The following TMEM150C variants were observed in gnomAD, a reference collection of about 807,000 sequenced individuals.
TMEM150C encodes tentonin 3.
Under a neutral mutation model 29.9 loss-of-function variants are expected in TMEM150C, and 10 were observed. The ratio of observed to expected loss-of-function variants is 0.33; its 90% CI spans 0.21 to 0.57. The LOEUF (loss-of-function observed/expected upper bound fraction) is 0.57. Among genes scored for constraint, TMEM150C ranks in the 20% least tolerant of loss-of-function variants. The pLI, the probability that TMEM150C is intolerant of heterozygous loss-of-function variation, is 0.88. For synonymous variants in TMEM150C, 101 were observed against 112.5 expected (o/e 0.90, Z 0.64); for missense variants, 251 against 303.6 (o/e 0.83, Z 1.29).
At chr4:82,485,753 C>T (rs564937915) in intron 7 of TMEM150C, 34 bp from the exon 8 acceptor site, 1 of 1,554,270 alleles carries the variant, frequency 6.4e-7, no homozygotes, top group East Asian at 2.3e-5. Context: ...ATACCCTCAT[C>T]AGCCACATTA....
At chr4:82,540,114 CT>C (rs577728662) in intron 1 of TMEM150C, among the ~76,000 whole-genome samples, 6 of 47,260 alleles carry the variant, frequency 1.3e-4, no homozygotes, top group East Asian at 7.4e-4. Context: ...TCTACCTATT[CT>C]TTTTTTTTTT....
At chr4:82,497,323 A>G (rs1723589180) in intron 5 of TMEM150C, among the ~76,000 whole-genome samples, 1 of 152,234 alleles carries the variant, frequency 6.6e-6, no homozygotes, top group East Asian at 1.9e-4. Flanking sequence ...GTTCAGCAGG[A>G]AAGACAATTA....
intron 1 of TMEM150C, among the ~76,000 whole-genome samples, chr4:82,510,576 C>T (rs956818454): frequency 2.0e-5 from 3 of 152,164 alleles, no homozygotes; most frequent in Non-Finnish European, 2.9e-5. Flanking sequence ...ATCTACCTTA[C>T]AGGGTTTTAC....
At chr4:82,498,881 TATC>T (rs998386990) in intron 5 of TMEM150C, among the ~76,000 whole-genome samples, 162 of 152,356 alleles carry the variant, frequency 1.1e-3, no homozygotes, top group African/African-American at 3.6e-3. Context: ...TAAGTCATCT[TATC>T]ATGAACAAAT....
chr4:82,491,042 G>T, intron 6 of TMEM150C: 1 of 732,262 alleles, frequency 1.4e-6, no homozygotes, highest in East Asian at 2.5e-5. Context: ...TCTTCCTGTG[G>T]ACTAGACGTC....
At chr4:82,554,162 G>T (rs1374125645) in intron 1 of TMEM150C, among the ~76,000 whole-genome samples, 1 of 152,152 alleles carries the variant, frequency 6.6e-6, no homozygotes, top group Non-Finnish European at 1.5e-5. Context: ...CAGAAAAAAT[G>T]TCACCCACAA....
chr4:82,515,465 G>A (rs1376335780), intron 1 of TMEM150C, among the ~76,000 whole-genome samples: 4 of 152,050 alleles, frequency 2.6e-5, no homozygotes, highest in African/African-American at 7.2e-5. Context: ...TTGGCCGGGC[G>A]CGGTGGCTCA....
At chr4:82,519,429 T>A (rs6853253) in intron 1 of TMEM150C, among the ~76,000 whole-genome samples, 96,494 of 151,750 alleles carry the variant, frequency 0.64, 34,332 homozygotes, top group East Asian at 0.93. Context: ...TTTCTTTCTT[T>A]CTTTCTTTTT....
chr4:82,492,809 AAC>A (rs1491012015), intron 6 of TMEM150C, among the ~76,000 whole-genome samples: 3,590 of 114,546 alleles, frequency 0.031, 296 homozygotes, highest in South Asian at 0.13. Context: ...AAAAAAAAAA[AAC>A]AACAAAGTCT....
intron 1 of TMEM150C, among the ~76,000 whole-genome samples, chr4:82,536,214 T>C (rs2110085220): frequency 6.6e-6 from 1 of 151,994 alleles, no homozygotes; most frequent in Middle Eastern, 3.4e-3. Flanking sequence ...AAAAATAAGC[T>C]GGTCCTGGTG....
chr4:82,509,094 C>T (rs1480692618), intron 1 of TMEM150C, among the ~76,000 whole-genome samples: 1 of 152,216 alleles, frequency 6.6e-6, no homozygotes, highest in African/African-American at 2.4e-5. Flanking sequence ...ATTTCTGTCG[C>T]ATGTTCTTTT....
intron 1 of TMEM150C, among the ~76,000 whole-genome samples, chr4:82,522,570 T>C (rs775356229): frequency 4.6e-5 from 7 of 152,152 alleles, no homozygotes; most frequent in East Asian, 1.9e-4. Flanking sequence ...TTCTGCATAA[T>C]GATAAAGGAA....
intron 1 of TMEM150C, among the ~76,000 whole-genome samples, chr4:82,551,754 A>G (rs1725591482): frequency 6.6e-6 from 1 of 152,112 alleles, no homozygotes; most frequent in African/African-American, 2.4e-5. Flanking sequence ...ATGCCTCTCA[A>G]TTAGCATGCT....
At chr4:82,541,398 T>C (rs750828360) in intron 1 of TMEM150C, among the ~76,000 whole-genome samples, 2 of 152,116 alleles carry the variant, frequency 1.3e-5, no homozygotes, top group Non-Finnish European at 2.9e-5. Flanking sequence ...GCTCTCCTCA[T>C]TTCAGATAAC....
At chr4:82,549,123 T>A (rs570043944) in intron 1 of TMEM150C, among the ~76,000 whole-genome samples, 1 of 143,574 alleles carries the variant, frequency 7.0e-6, no homozygotes, top group South Asian at 2.1e-4. Flanking sequence ...TTACATTTGA[T>A]GTGCAATCTT....
chr4:82,495,498 C>A, intron 6 of TMEM150C: 1 of 377,266 alleles, frequency 2.7e-6, no homozygotes, highest in Non-Finnish European at 5.1e-6. Context: ...GACGAGGCAC[C>A]CTAGTATCAG....
At chr4:82,526,680 C>A (rs527691550) in intron 1 of TMEM150C, among the ~76,000 whole-genome samples, 85 of 152,294 alleles carry the variant, frequency 5.6e-4, no homozygotes, top group African/African-American at 1.8e-3. Context: ...GGGCTATTGT[C>A]ACTACAACTA....
intron 1 of TMEM150C, among the ~76,000 whole-genome samples, chr4:82,539,181 ACT>A (rs1255786812): frequency 1.3e-5 from 2 of 152,156 alleles, no homozygotes; most frequent in Non-Finnish European, 1.5e-5. Flanking sequence ...TCTTTTTCAA[ACT>A]CTTTTTCAAA....
At position 82,555,697 on chromosome 4, in the gene TMEM150C, C is replaced by T. The variant is rs538080634; in HGVS notation, c.-11+6209G>A. Among the ~76,000 whole-genome samples the T allele has an allele frequency of 2.2e-4, 34 of 152,274 alleles. No homozygotes were observed. In the Middle Eastern group the frequency reaches 0.01, roughly 46 times the overall value. Reference sequence around the variant, plus strand: ...TAAGATGGGAGGTGAGGTGGTTGAACGCTTGGGCTGTCACCAGATTGCGTG... The same window carrying T: ...TAAGATGGGAGGTGAGGTGGTTGAATGCTTGGGCTGTCACCAGATTGCGTG... On this transcript the variant is annotated intron_variant, in intron 1 of 7. Coordinates refer to ENST00000449862, the MANE Select transcript of TMEM150C (RefSeq NM_001080506.3).
Sources: allele counts gnomAD v4.1 joint callset (sites outside exome capture counted in the v4.1 genomes callset), GRCh38; gene constraint gnomAD v4.1.1; transcripts MANE v1.5; gene names NCBI Gene and HGNC (gene_info 2026-07-23, HGNC 2026-07-21).